Variants in GALNT13 observed in about 807,000 individuals in gnomAD.
GALNT13 encodes the protein polypeptide N-acetylgalactosaminyltransferase 13.
In GALNT13, 28 loss-of-function variants were observed where a neutral mutation model predicts 64.2. That is an observed-to-expected ratio of 0.44 (90% CI 0.32 to 0.60). The LOEUF (loss-of-function observed/expected upper bound fraction) is 0.60. Among genes scored for constraint, GALNT13 ranks in the 20% least tolerant of loss-of-function variants. The pLI is 0.05. For synonymous variants in GALNT13, 214 were observed against 224.6 expected (o/e 0.95, Z 0.42); for missense variants, 577 against 669.8 (o/e 0.86, Z 1.53).
At chr2:153,789,192 G>A in the GALNT13 span, among the ~76,000 whole-genome samples, 1 of 151,890 alleles carries the variant, frequency 6.6e-6, no homozygotes, top group Non-Finnish European at 1.5e-5. Flanking sequence ...TTGACCACAC[G>A]CTGAAACATG....
At chr2:153,572,965 A>C in the GALNT13 span, among the ~76,000 whole-genome samples, 4 of 151,770 alleles carry the variant, frequency 2.6e-5, no homozygotes, top group Non-Finnish European at 5.9e-5. Flanking sequence ...CATTTGGTCA[A>C]TAGTGCAGAT....
At chr2:153,730,482 A>G in the GALNT13 span, among the ~76,000 whole-genome samples, 1 of 151,948 alleles carries the variant, frequency 6.6e-6, no homozygotes, top group Non-Finnish European at 1.5e-5. Flanking sequence ...GAAACTTTAA[A>G]GGTCCTATAG....
At chr2:153,569,213 G>GTTACTT in the GALNT13 span, among the ~76,000 whole-genome samples, 4 of 152,022 alleles carry the variant, frequency 2.6e-5, no homozygotes, top group African/African-American at 4.8e-5. Flanking sequence ...CTATATTCTT[G>GTTACTT]TCAATACTTA....
At chr2:154,382,879 C>T (rs1698340287) in intron 9 of GALNT13, among the ~76,000 whole-genome samples, 1 of 151,370 alleles carries the variant, frequency 6.6e-6, no homozygotes, top group East Asian at 1.9e-4. Context: ...TTCTTTGTTA[C>T]TGTGTGGCAT....
the GALNT13 span, among the ~76,000 whole-genome samples, chr2:153,096,767 T>G: frequency 6.6e-6 from 1 of 152,162 alleles, no homozygotes; most frequent in African/African-American, 2.4e-5. Flanking sequence ...ATAGGTGAAG[T>G]GTGTTTATTA....
At chr2:153,785,857 G>C in the GALNT13 span, among the ~76,000 whole-genome samples, 3 of 152,114 alleles carry the variant, frequency 2.0e-5, no homozygotes, top group Non-Finnish European at 4.4e-5. Flanking sequence ...CCAGGCTCCG[G>C]AGAGTCCTTG....
At chr2:153,864,000 T>A in the GALNT13 span, among the ~76,000 whole-genome samples, 1 of 152,352 alleles carries the variant, frequency 6.6e-6, no homozygotes, top group South Asian at 2.1e-4. Context: ...CAAATCCACA[T>A]TGCCATAACT....
intron 9 of GALNT13, among the ~76,000 whole-genome samples, chr2:154,348,466 A>G (rs1422480207): frequency 6.6e-6 from 1 of 151,938 alleles, no homozygotes; most frequent in Non-Finnish European, 1.5e-5. Flanking sequence ...TTAGTCAGAG[A>G]TTAGAGTCAA....
the GALNT13 span, among the ~76,000 whole-genome samples, chr2:153,442,556 G>C: frequency 1.3e-5 from 2 of 152,102 alleles, no homozygotes; most frequent in Non-Finnish European, 2.9e-5. Flanking sequence ...GTAGAATTCG[G>C]CTGTGAATCT....
At chr2:153,980,592 G>T (rs1424588250) in intron 3 of GALNT13, among the ~76,000 whole-genome samples, 2 of 152,082 alleles carry the variant, frequency 1.3e-5, no homozygotes, top group African/African-American at 2.4e-5. Context: ...TGGATAGGTT[G>T]CACTTGATGT....
At chr2:153,911,292 C>G (rs1198615466) in intron 2 of GALNT13, among the ~76,000 whole-genome samples, 2 of 152,026 alleles carry the variant, frequency 1.3e-5, no homozygotes, top group African/African-American at 4.8e-5. Context: ...AATTTTGAGC[C>G]TGTGAGTGTC....
the GALNT13 span, among the ~76,000 whole-genome samples, chr2:153,388,437 G>T: frequency 6.6e-6 from 1 of 152,070 alleles, no homozygotes; most frequent in East Asian, 1.9e-4. Flanking sequence ...AGGCATGCTG[G>T]CCTCACATGA....
At chr2:153,880,832 G>A (rs1476330727) in intron 1 of GALNT13, among the ~76,000 whole-genome samples, 1 of 136,208 alleles carries the variant, frequency 7.3e-6, no homozygotes, top group African/African-American at 3.0e-5. Context: ...TCCATATCTT[G>A]TTCTTTGTTC....
rs902281132 is a variant in GALNT13 at position 153,917,415 on chromosome 2, A to G, written c.-105+16408A>G. On this transcript the variant is annotated intron_variant, in intron 2 of 12. Transcript: ENST00000392825. ...TTCCCTTTACATCTCTTCCCCATCA[A>G]TAACCTTCTGGTTTTTATTATTTTT... Among the ~76,000 whole-genome samples the G allele has an allele frequency of 1.2e-4, 19 of 152,228 alleles. No individual in the cohort carries two copies. The East Asian group carries it at 2.9e-3, about 23-fold the overall frequency.
chr2:153,213,546 C>A, the GALNT13 span, among the ~76,000 whole-genome samples: 2 of 152,110 alleles, frequency 1.3e-5, no homozygotes, highest in African/African-American at 4.8e-5. Flanking sequence ...ACTTATTACA[C>A]CAGATGCTGT....
At chr2:154,221,913 TTC>T (rs1688346957) in intron 4 of GALNT13, among the ~76,000 whole-genome samples, 1 of 152,100 alleles carries the variant, frequency 6.6e-6, no homozygotes, top group Non-Finnish European at 1.5e-5. Context: ...ACCACTGTAA[TTC>T]TCAAAGAGAA....
intron 2 of GALNT13, among the ~76,000 whole-genome samples, chr2:153,910,399 G>T (rs1026698922): frequency 2.0e-5 from 3 of 151,922 alleles, no homozygotes; most frequent in South Asian, 2.1e-4. Context: ...TGGATTCATT[G>T]ATCTTTTGAA....
chr2:154,073,719 A>G (rs1700852332), intron 3 of GALNT13, among the ~76,000 whole-genome samples: 1 of 151,890 alleles, frequency 6.6e-6, no homozygotes, highest in Admixed American at 6.6e-5. Context: ...CAGGGCTTTT[A>G]TTTTCACATT....
At position 154,453,501 on chromosome 2, in the gene GALNT13, A is replaced by G. The variant is rs1701951526; in HGVS notation, c.*2950A>G. 1 of 151,852 alleles carries G rather than the reference A, an allele frequency of 6.6e-6. No individual in the cohort carries two copies. The highest frequency in any genetic ancestry group is 1.5e-5 in the Non-Finnish European group (1 of 68,034). The allele number at this position is 151,852 out of a possible 1,614,324, so 9.4% of individuals were successfully genotyped here. A position where few individuals can be genotyped will look rare whatever the true frequency, so the allele number is the denominator to read the frequency against. On this transcript the variant is annotated 3_prime_UTR_variant, in exon 13 of 13. Transcript: ENST00000392825. Reference sequence around the variant, plus strand: ...CTGCCCCAGAGAGCTCCCCTTAGTGATCTCAGTTCAAATATTATCTTATCA... The same window carrying G: ...CTGCCCCAGAGAGCTCCCCTTAGTGGTCTCAGTTCAAATATTATCTTATCA...
Sources: gnomAD v4.1 joint callset for allele counts (sites outside exome capture counted in the v4.1 genomes callset) on GRCh38, gnomAD v4.1.1 for gene constraint, MANE v1.5 for transcripts, NCBI Gene and HGNC (gene_info 2026-07-23, HGNC 2026-07-21) for gene names.